Variants in TMCO5A observed in about 807,000 individuals in gnomAD.
The protein encoded by TMCO5A is transmembrane and coiled-coil domains 5A, also known as transmembrane and coiled-coil domain-containing protein 5A.
Under a neutral mutation model 42.3 loss-of-function variants are expected in TMCO5A, and 34 were observed. The ratio of observed to expected loss-of-function variants is 0.80; its 90% CI spans 0.61 to 1.07. The LOEUF is 1.07. TMCO5A is among the 50% of genes least tolerant of loss of function. The pLI is 0.00. For synonymous variants in TMCO5A, 131 were observed against 115.6 expected (o/e 1.13, Z -0.86); for missense variants, 357 against 327.9 (o/e 1.09, Z -0.69).
At chr15:37,993,504 C>T in the TMCO5A span, 1 of 152,018 alleles carries the variant, frequency 6.6e-6, no homozygotes, top group African/African-American at 2.4e-5. Flanking sequence ...CATTAACTCT[C>T]TGAATTTCTC....
chr15:37,940,342 A>T (rs1394821630), intron 6 of TMCO5A, among the ~76,000 whole-genome samples: 1 of 151,760 alleles, frequency 6.6e-6, no homozygotes, highest in African/African-American at 2.4e-5. Context: ...TGGCCACACA[A>T]CTCCCTCATA....
chr15:37,983,701 C>CT, the TMCO5A span, among the ~76,000 whole-genome samples: 1 of 148,676 alleles, frequency 6.7e-6, no homozygotes, highest in African/African-American at 2.6e-5. Flanking sequence ...CTTGTGAGTC[C>CT]TTTTTTTTCT....
chr15:37,951,677 A>G (rs1042942775), downstream of TMCO5A: 1 of 152,596 alleles, frequency 6.6e-6, no homozygotes, highest in Non-Finnish European at 1.5e-5. Context: ...TTAAATATAA[A>G]ATAAAAAGTC....
chr15:37,987,838 T>C, the TMCO5A span, among the ~76,000 whole-genome samples: 1 of 151,936 alleles, frequency 6.6e-6, no homozygotes, highest in Admixed American at 6.6e-5. Context: ...TTTAGCTATT[T>C]ATCGTCTCTT....
chr15:37,945,541 T>C (rs1406466515), intron 10 of TMCO5A, among the ~76,000 whole-genome samples: 3 of 152,108 alleles, frequency 2.0e-5, no homozygotes, highest in African/African-American at 7.2e-5. Context: ...GCATCTGTTG[T>C]TGTTTGATTT....
the TMCO5A span, among the ~76,000 whole-genome samples, chr15:37,976,793 CTTTTTTT>C: frequency 4.3e-5 from 5 of 116,850 alleles, no homozygotes; most frequent in Admixed American, 9.2e-5. Context: ...TTTCTTCTTT[CTTTTTTT>C]TTTTTTTTTT....
chr15:37,966,879 A>T (rs538077872), exon 12 of TMCO5A: 1 of 574,674 alleles, frequency 1.7e-6, no homozygotes, highest in South Asian at 2.3e-5. Context: ...AGAGCAGTCA[A>T]AGAAGAAGAA....
At chr15:38,035,543 C>G in the TMCO5A span, among the ~76,000 whole-genome samples, 1 of 152,114 alleles carries the variant, frequency 6.6e-6, no homozygotes, top group Non-Finnish European at 1.5e-5. Flanking sequence ...AGTGAAGAGG[C>G]TGAGACAGGG....
At chr15:37,938,788 G>A (rs1889624305) in intron 6 of TMCO5A, among the ~76,000 whole-genome samples, 2 of 152,012 alleles carry the variant, frequency 1.3e-5, no homozygotes, top group African/African-American at 4.8e-5. Flanking sequence ...AGTCACTCAA[G>A]TATTTAGTAT....
the TMCO5A span, among the ~76,000 whole-genome samples, chr15:38,009,084 T>C: frequency 6.6e-6 from 1 of 152,184 alleles, no homozygotes; most frequent in Non-Finnish European, 1.5e-5. Context: ...CCGGGTCATA[T>C]GTGGAAAATC....
At chr15:37,958,078 C>T (rs1432555355) in intron 11 of TMCO5A, among the ~76,000 whole-genome samples, 1 of 152,094 alleles carries the variant, frequency 6.6e-6, no homozygotes, top group Admixed American at 6.5e-5. Context: ...ACACCTTATA[C>T]AAAAATTAAC....
At chr15:38,029,643 A>G in the TMCO5A span, among the ~76,000 whole-genome samples, 1 of 152,142 alleles carries the variant, frequency 6.6e-6, no homozygotes, top group Admixed American at 6.5e-5. Flanking sequence ...TAAATTTTGT[A>G]GAAGCAGGGT....
the TMCO5A span, among the ~76,000 whole-genome samples, chr15:38,002,863 T>G: frequency 6.6e-6 from 1 of 152,162 alleles, no homozygotes. Context: ...CACAGGTGCT[T>G]ATTTCATTCA....
the TMCO5A span, among the ~76,000 whole-genome samples, chr15:37,989,341 T>C: frequency 6.6e-6 from 1 of 151,996 alleles, no homozygotes. Context: ...TTCTTCCTGC[T>C]AGCTTTGGGT....
At chr15:37,946,735 G>A (rs975155967) in intron 10 of TMCO5A, among the ~76,000 whole-genome samples, 29 of 152,080 alleles carry the variant, frequency 1.9e-4, no homozygotes, top group African/African-American at 6.5e-4. Flanking sequence ...TGCTGAAGTT[G>A]CTCAAGATGC....
chr15:37,995,698 T>TC, the TMCO5A span, among the ~76,000 whole-genome samples: 1 of 152,196 alleles, frequency 6.6e-6, no homozygotes, highest in African/African-American at 2.4e-5. Context: ...ATCCTTAGGA[T>TC]CCCAGCACTA....
intron 5 of TMCO5A, among the ~76,000 whole-genome samples, chr15:37,937,905 T>C (rs2937984): frequency 1 from 152,004 of 152,194 alleles, 75,908 homozygotes; most frequent in Non-Finnish European, 1. Flanking sequence ...GGCTGTATCC[T>C]TGAGTAACCC....
At chr15:38,015,158 C>T in the TMCO5A span, among the ~76,000 whole-genome samples, 10 of 151,766 alleles carry the variant, frequency 6.6e-5, no homozygotes, top group Admixed American at 3.3e-4. Context: ...ATCTGCCTTC[C>T]GAAGCTCACT....
chr15:37,997,290 G>A, the TMCO5A span, among the ~76,000 whole-genome samples: 7 of 152,326 alleles, frequency 4.6e-5, no homozygotes, highest in Middle Eastern at 3.4e-3. Flanking sequence ...TTAATGTGTA[G>A]TTGTTGCAAA....
Sources: gnomAD v4.1 joint callset for allele counts (sites outside exome capture counted in the v4.1 genomes callset) on GRCh38, gnomAD v4.1.1 for gene constraint, MANE v1.5 for transcripts, NCBI Gene and HGNC (gene_info 2026-07-23, HGNC 2026-07-21) for gene names.